Variants in RBMS2 observed in about 807,000 individuals in gnomAD.
RBMS2 encodes RNA-binding motif, single-stranded-interacting protein 2.
Under a neutral mutation model 58.4 loss-of-function variants are expected in RBMS2, and 38 were observed. The observed-to-expected ratio is 0.65, with a 90% CI of 0.50 to 0.85. RBMS2 has a LOEUF of 0.85. Ranked by LOEUF, RBMS2 falls within the 40% of genes least tolerant of loss-of-function variation. RBMS2 has a pLI of 0.00. For synonymous variants in RBMS2, 151 were observed against 180.7 expected (o/e 0.84, Z 1.32); for missense variants, 367 against 503.7 (o/e 0.73, Z 2.60).
Position 56,522,013 on chromosome 12 carries a change from T to G in RBMS2, c.-11T>G, listed in dbSNP as rs749209832. On this transcript the variant is annotated 5_prime_UTR_variant, in exon 1 of 14. Coordinates refer to ENST00000262031, the MANE Select transcript of RBMS2 (RefSeq NM_002898.4). ...TCTCTCTCTCGCTCGTTCCCTAACA[T>G]TAAAGAGAAAATGCTGCTATCCGTG... The G allele has an allele frequency of 2.5e-6, 3 of 1,211,798 alleles. No individual in the cohort carries two copies. Among genetic ancestry groups the G allele is most frequent in the Non-Finnish European group, 3.4e-6 (3 of 880,342 alleles). 75.1% of individuals were successfully genotyped at this position (1,211,798 alleles called of 1,614,324 possible).
At chr12:56,529,195 A>G (rs576132917) in intron 1 of RBMS2, among the ~76,000 whole-genome samples, 1 of 152,306 alleles carries the variant, frequency 6.6e-6, no homozygotes, top group East Asian at 1.9e-4. Flanking sequence ...CCATCAACTG[A>G]TGAATGGATA....
chr12:56,580,121 C>T lies in RBMS2; in HGVS notation c.543-1063C>T, dbSNP rs1007547282. On this transcript the variant is annotated intron_variant, in intron 5 of 13. Transcript: ENST00000262031. ...ATTTTTTTTGTATTTTTAGTAGAGACGGGGTTTCACCATGTTGGCCAGGAT... is the reference window on the plus strand; with the variant it reads ...ATTTTTTTTGTATTTTTAGTAGAGATGGGGTTTCACCATGTTGGCCAGGAT... Among the ~76,000 whole-genome samples, 10 of 151,074 alleles carry T rather than the reference C, an allele frequency of 6.6e-5. 1 individual carries two copies. The highest frequency in any genetic ancestry group is 9.7e-5 in the African/African-American group (4 of 41,134).
At chr12:56,539,990 C>T (rs1875773439) in intron 1 of RBMS2, among the ~76,000 whole-genome samples, 1 of 152,174 alleles carries the variant, frequency 6.6e-6, no homozygotes, top group Non-Finnish European at 1.5e-5. Flanking sequence ...TGGCTAGTTT[C>T]TTCTCATCCT....
At chr12:56,538,769 C>T (rs1008699738) in intron 1 of RBMS2, among the ~76,000 whole-genome samples, 10 of 152,088 alleles carry the variant, frequency 6.6e-5, no homozygotes, top group African/African-American at 2.4e-4. Context: ...CGTGAGCCAC[C>T]GCACCTGGCC....
At chr12:56,567,631 G>A (rs981930301) in intron 2 of RBMS2, among the ~76,000 whole-genome samples, 1 of 152,102 alleles carries the variant, frequency 6.6e-6, no homozygotes, top group African/African-American at 2.4e-5. Flanking sequence ...GAGGCCAGGA[G>A]TTAAAGACCA....
Position 56,577,465 on chromosome 12 carries a change from T to G in RBMS2, c.543-3719T>G, listed in dbSNP as rs1190531497. Reference sequence around the variant, plus strand: ...TAAAATGTTCATACAAAATTATTATTATTATTATTATTATTATTATTATTA... The same window carrying G: ...TAAAATGTTCATACAAAATTATTATGATTATTATTATTATTATTATTATTA... On this transcript the variant is annotated intron_variant, in intron 5 of 13. Transcript: ENST00000262031. Among the ~76,000 whole-genome samples the G allele has an allele frequency of 3.4e-5, 5 of 148,456 alleles. No individual in the cohort carries two copies. In the Admixed American group the frequency reaches 3.4e-4, roughly 10 times the overall value.
intron 1 of RBMS2, among the ~76,000 whole-genome samples, chr12:56,556,713 C>G (rs1159085505): frequency 3.9e-5 from 6 of 152,096 alleles, no homozygotes; most frequent in Non-Finnish European, 5.9e-5. Flanking sequence ...AGAACTAATA[C>G]TAACCACATT....
rs1190225935 is a variant in RBMS2 at position 56,594,125 on chromosome 12, C to T, written c.*4992C>T. Reference sequence around the variant, plus strand: ...CTACTCCTGTCACTCCAATGTCAACCCATTGGGAGTTGAGGCCTGTCACTC... The same window carrying T: ...CTACTCCTGTCACTCCAATGTCAACTCATTGGGAGTTGAGGCCTGTCACTC... On this transcript the variant is annotated 3_prime_UTR_variant, in exon 14 of 14. Coordinates refer to ENST00000262031, the MANE Select transcript of RBMS2 (RefSeq NM_002898.4). 1 of 152,198 alleles carries T rather than the reference C, an allele frequency of 6.6e-6. No individual in the cohort carries two copies. The highest frequency in any genetic ancestry group is 2.4e-5 in the African/African-American group (1 of 41,428). The allele number at this position is 152,198 out of a possible 1,614,324, so 9.4% of individuals were successfully genotyped here.
chr12:56,556,469 G>A (rs1162681649), intron 1 of RBMS2, among the ~76,000 whole-genome samples: 1 of 149,994 alleles, frequency 6.7e-6, no homozygotes, highest in African/African-American at 2.5e-5. Context: ...TCTGCCTCCC[G>A]AGTTCAAGCG....
chr12:56,572,900 A>T, intron 5 of RBMS2: 1 of 985,170 alleles, frequency 1.0e-6, no homozygotes, highest in Non-Finnish European at 1.2e-6. Flanking sequence ...TAATTTTCCC[A>T]CAGTATTCCC....
intron 5 of RBMS2, among the ~76,000 whole-genome samples, chr12:56,578,917 T>C (rs770027895): frequency 5.3e-5 from 8 of 152,006 alleles, no homozygotes; most frequent in Non-Finnish European, 1.2e-4. Flanking sequence ...TGAGCCGAGA[T>C]TGCACCACTG....
intron 5 of RBMS2, chr12:56,572,717 T>G: frequency 1.1e-6 from 1 of 924,362 alleles, no homozygotes; most frequent in Non-Finnish European, 1.3e-6. Context: ...GGAGTGGGTG[T>G]TAGAGCAGAG....
chr12:56,574,464 C>T (rs1053028045), intron 5 of RBMS2, among the ~76,000 whole-genome samples: 1 of 152,132 alleles, frequency 6.6e-6, no homozygotes, highest in Non-Finnish European at 1.5e-5. Flanking sequence ...TGTTATCTAT[C>T]AAAAGGATTG....
intron 1 of RBMS2, among the ~76,000 whole-genome samples, chr12:56,538,642 C>T (rs374226912): frequency 2.9e-4 from 44 of 150,466 alleles, no homozygotes; most frequent in Admixed American, 6.6e-4. Context: ...CCACCAAGCC[C>T]GGCTAATTTT....
rs1565781405 is a variant in RBMS2 at position 56,583,855 on chromosome 12, C to G, written c.873+1703C>G. Among the ~76,000 whole-genome samples, 6 of 152,240 alleles carry G rather than the reference C, an allele frequency of 3.9e-5. No individual in the cohort carries two copies. The East Asian group carries it at 1.2e-3, about 29-fold the overall frequency. Reference sequence around the variant, plus strand: ...CTTTTCCCATCAACTTATAAAAACTCCATGTAAGTATTAATCTTCTAAATG... The same window carrying G: ...CTTTTCCCATCAACTTATAAAAACTGCATGTAAGTATTAATCTTCTAAATG... On this transcript the variant is annotated intron_variant, in intron 9 of 13. Coordinates refer to ENST00000262031, the MANE Select transcript of RBMS2 (RefSeq NM_002898.4).
intron 1 of RBMS2, among the ~76,000 whole-genome samples, chr12:56,538,639 G>T (rs1875448322): frequency 6.6e-6 from 1 of 151,644 alleles, no homozygotes; most frequent in African/African-American, 2.4e-5. Context: ...CTGCCACCAA[G>T]CCCGGCTAAT....
intron 9 of RBMS2, among the ~76,000 whole-genome samples, chr12:56,583,842 A>G (rs1446144977): frequency 1.3e-5 from 2 of 152,154 alleles, no homozygotes; most frequent in Non-Finnish European, 2.9e-5. Context: ...TTTCCCATCA[A>G]CTTATAAAAA....
intron 3 of RBMS2, among the ~76,000 whole-genome samples, chr12:56,569,314 G>T (rs1321174199): frequency 6.6e-6 from 1 of 152,234 alleles, no homozygotes; most frequent in Admixed American, 6.5e-5. Flanking sequence ...GGTGGTAGAA[G>T]TGGGTAAGTG....
intron 10 of RBMS2, 55 bp downstream of exon 10, chr12:56,586,981 A>G (rs1008129732): frequency 7.8e-6 from 12 of 1,546,830 alleles, no homozygotes; most frequent in Non-Finnish European, 8.9e-6. Flanking sequence ...TAAAGAAAAA[A>G]CTGGCTGGGC....
Sources: gnomAD v4.1 joint callset for allele counts (sites outside exome capture counted in the v4.1 genomes callset) on GRCh38, gnomAD v4.1.1 for gene constraint, MANE v1.5 for transcripts, NCBI Gene and HGNC (gene_info 2026-07-23, HGNC 2026-07-21) for gene names.